DEPTOR: variants seen among roughly 807,000 people sequenced by gnomAD.
DEPTOR encodes DEP domain-containing mTOR-interacting protein.
DEPTOR carries 41 observed loss-of-function variants against 41.6 expected under a neutral mutation model. The observed-to-expected ratio is 0.98, with a 90% CI of 0.77 to 1.28. The LOEUF (loss-of-function observed/expected upper bound fraction) is 1.28. Ranked by LOEUF, DEPTOR falls within the 50% of genes most tolerant of loss-of-function variation. DEPTOR has a pLI of 0.00. For synonymous variants in DEPTOR, 195 were observed against 192.3 expected (o/e 1.01, Z -0.12); for missense variants, 514 against 527.9 (o/e 0.97, Z 0.26).
At chr8:119,914,798 G>A (rs911183624) in intron 1 of DEPTOR, among the ~76,000 whole-genome samples, 13 of 152,314 alleles carry the variant, frequency 8.5e-5, no homozygotes, top group South Asian at 2.1e-4. Flanking sequence ...ATTACAAACC[G>A]TAGGAGGTGG....
chr8:119,939,149 C>T (rs895018104), intron 3 of DEPTOR, among the ~76,000 whole-genome samples: 10 of 152,172 alleles, frequency 6.6e-5, no homozygotes, highest in Non-Finnish European at 1.0e-4. Flanking sequence ...TATAATTTCT[C>T]TATGTAAACA....
chr8:119,873,805 G>A lies in DEPTOR; in HGVS notation c.-42G>A. Reference sequence around the variant, plus strand: ...GACTGATCCGAGCACCCAAACCCTCGGCGGACAGCGGAGCCAGTGGTAGCC... The same window carrying A: ...GACTGATCCGAGCACCCAAACCCTCAGCGGACAGCGGAGCCAGTGGTAGCC... On this transcript the variant is annotated 5_prime_UTR_variant, in exon 1 of 9. Transcript: ENST00000286234. 2 of 1,605,276 alleles carry A rather than the reference G, an allele frequency of 1.2e-6. No homozygotes were observed. Among genetic ancestry groups the A allele is most frequent in the Non-Finnish European group, 1.7e-6 (2 of 1,175,926 alleles).
intron 3 of DEPTOR, among the ~76,000 whole-genome samples, chr8:119,962,712 T>C (rs1828508981): frequency 6.6e-6 from 1 of 152,042 alleles, no homozygotes; most frequent in Admixed American, 6.6e-5. Flanking sequence ...GGGTCCAAGG[T>C]TGGGTTGAGA....
intron 4 of DEPTOR, among the ~76,000 whole-genome samples, chr8:119,967,719 A>T (rs1420424078): frequency 3.4e-5 from 5 of 148,576 alleles, no homozygotes; most frequent in Admixed American, 1.4e-4. Flanking sequence ...GTGCCACTGC[A>T]TTCCAACCTG....
intron 3 of DEPTOR, among the ~76,000 whole-genome samples, chr8:119,931,848 G>A (rs1391649953): frequency 6.6e-6 from 1 of 151,890 alleles, no homozygotes; most frequent in Admixed American, 6.6e-5. Context: ...CAATTACAAT[G>A]ATGTTCCTTT....
At chr8:119,894,714 T>TA in intron 1 of DEPTOR, among the ~76,000 whole-genome samples, 1 of 152,334 alleles carries the variant, frequency 6.6e-6, no homozygotes, top group South Asian at 2.1e-4. Flanking sequence ...TTCTTAAAAG[T>TA]TAGTAATTGA....
chr8:119,909,048 G>A (rs1224128941), intron 1 of DEPTOR, among the ~76,000 whole-genome samples: 3 of 152,202 alleles, frequency 2.0e-5, no homozygotes, highest in African/African-American at 7.2e-5. Context: ...CCTGGAGTGA[G>A]AGTTTGTCGT....
chr8:119,988,581 C>T (rs950146833), intron 4 of DEPTOR, among the ~76,000 whole-genome samples: 4 of 152,140 alleles, frequency 2.6e-5, no homozygotes, highest in African/African-American at 9.7e-5. Context: ...CTCCTAGGTT[C>T]AAGTGATTCT....
At chr8:119,995,340 A>T (rs968079391) in intron 4 of DEPTOR, among the ~76,000 whole-genome samples, 10 of 152,138 alleles carry the variant, frequency 6.6e-5, no homozygotes, top group African/African-American at 2.2e-4. Context: ...TAATCCCAGC[A>T]CTTTGGGAGG....
chr8:119,981,091 A>C (rs1372582665), intron 4 of DEPTOR, among the ~76,000 whole-genome samples: 2 of 152,224 alleles, frequency 1.3e-5, no homozygotes, highest in Non-Finnish European at 1.5e-5. Context: ...ATAGAACTAT[A>C]GTGTCTGACT....
rs184151050 is a variant in DEPTOR at position 120,022,137 on chromosome 8, G to A, written c.1101+13004G>A. Reference sequence around the variant, plus strand: ...CCTGCCACTGCACTCCAGCCTGGGTGACAGAGCGAGACCCCATCTTAAAAA... The same window carrying A: ...CCTGCCACTGCACTCCAGCCTGGGTAACAGAGCGAGACCCCATCTTAAAAA... On this transcript the variant is annotated intron_variant, in intron 8 of 8. Coordinates refer to ENST00000286234, the MANE Select transcript of DEPTOR (RefSeq NM_022783.4). 2.7e-4 allele frequency among the ~76,000 whole-genome samples: 34 copies of A among 124,686 alleles called. No individual in the cohort carries two copies. In the East Asian group the frequency reaches 7.5e-3, roughly 28 times the overall value. 81.8% of individuals were successfully genotyped at this position (124,686 alleles called of 152,430 possible). A position where few individuals can be genotyped will look rare whatever the true frequency, so the allele number is the denominator to read the frequency against.
At chr8:119,966,873 T>C (rs1828568890) in intron 4 of DEPTOR, among the ~76,000 whole-genome samples, 1 of 152,290 alleles carries the variant, frequency 6.6e-6, no homozygotes, top group South Asian at 2.1e-4. Context: ...AAATCATCCA[T>C]TGTTATGCTT....
At chr8:119,974,291 T>C (rs562614154) in intron 4 of DEPTOR, among the ~76,000 whole-genome samples, 159 of 127,624 alleles carry the variant, frequency 1.2e-3, no homozygotes, top group African/African-American at 4.4e-3. Flanking sequence ...TGATTGAGGC[T>C]AAAGGCAAGA....
At chr8:119,918,438 CTTTATTTATTTATTTATTTA>C (rs796881763) in intron 1 of DEPTOR, among the ~76,000 whole-genome samples, 3 of 83,350 alleles carry the variant, frequency 3.6e-5, no homozygotes, top group Admixed American at 1.9e-4. Context: ...CATGGACCAC[CTTTATTTATTTATTTATTTA>C]TTTATTTATT....
intron 4 of DEPTOR, among the ~76,000 whole-genome samples, chr8:119,987,336 T>C (rs1828841436): frequency 6.6e-6 from 1 of 152,210 alleles, no homozygotes; most frequent in Non-Finnish European, 1.5e-5. Context: ...CCAGACCCTC[T>C]TTGCCTGGGT....
intron 4 of DEPTOR, among the ~76,000 whole-genome samples, chr8:119,976,127 G>C (rs1352327496): frequency 6.6e-6 from 1 of 151,806 alleles, no homozygotes; most frequent in African/African-American, 2.4e-5. Context: ...CTCCCAAAAT[G>C]CTGGGATTGC....
chr8:119,996,980 G>A (rs1269589726), intron 4 of DEPTOR, among the ~76,000 whole-genome samples: 2 of 152,212 alleles, frequency 1.3e-5, no homozygotes, highest in Admixed American at 6.5e-5. Flanking sequence ...GTAAAAATTT[G>A]ACTATCCACA....
intron 4 of DEPTOR, among the ~76,000 whole-genome samples, chr8:119,998,915 C>T (rs1812306973): frequency 6.7e-6 from 1 of 148,598 alleles, no homozygotes; most frequent in South Asian, 2.1e-4. Flanking sequence ...TTCCTAATAC[C>T]TTTGGACTTC....
intron 8 of DEPTOR, among the ~76,000 whole-genome samples, chr8:120,039,838 G>GT (rs1813032904): frequency 6.6e-6 from 1 of 151,996 alleles, no homozygotes; most frequent in Non-Finnish European, 1.5e-5. Flanking sequence ...TACTTTTATT[G>GT]TTTTTTATTT....
Sources: allele counts gnomAD v4.1 joint callset (sites outside exome capture counted in the v4.1 genomes callset), GRCh38; gene constraint gnomAD v4.1.1; transcripts MANE v1.5; gene names NCBI Gene and HGNC (gene_info 2026-07-23, HGNC 2026-07-21).